Variants in RASSF4 observed in about 807,000 individuals in gnomAD.
RASSF4 encodes Ras association domain family member 4.
RASSF4 carries 38 observed loss-of-function variants against 41.1 expected under a neutral mutation model. The ratio of observed to expected loss-of-function variants is 0.92; its 90% CI spans 0.71 to 1.21. RASSF4 has a LOEUF of 1.21. Among genes scored for constraint, RASSF4 ranks in the 50% most tolerant of loss-of-function variants. The pLI, the probability that RASSF4 is intolerant of heterozygous loss-of-function variation, is 0.00. For missense variants in RASSF4, 414 were observed against 419.4 expected (o/e 0.99, Z 0.11); for synonymous variants, 179 against 163.4 (o/e 1.10, Z -0.73).
At chr10:44,990,803 T>C (rs1178366984) in intron 8 of RASSF4, 145 bp from the exon 9 acceptor site, 2 of 694,084 alleles carry the variant, frequency 2.9e-6, no homozygotes, top group Non-Finnish European at 2.3e-6. Context: ...TGAGCAGGAA[T>C]CTCTCAGGGC....
intron 9 of RASSF4, among the ~76,000 whole-genome samples, chr10:44,991,595 G>T (rs1842115395): frequency 6.6e-6 from 1 of 152,192 alleles, no homozygotes; most frequent in South Asian, 2.1e-4. Flanking sequence ...AGAAACAATG[G>T]TGCTCCCACC....
intron 2 of RASSF4, chr10:44,970,514 G>A (rs2132768838): frequency 1.8e-6 from 1 of 541,764 alleles, no homozygotes; most frequent in African/African-American, 1.9e-5. Flanking sequence ...TACGAAATAG[G>A]TGTGTACAGG....
At chr10:44,970,290 G>T (rs201503618) in intron 2 of RASSF4, 26 bp downstream of exon 2, 1 of 1,603,140 alleles carries the variant, frequency 6.2e-7, no homozygotes, top group Non-Finnish European at 8.5e-7. Context: ...CAGGTTGGGC[G>T]GGGGAGTCTT....
At chr10:44,973,576 C>T (rs1841270165) in intron 3 of RASSF4, among the ~76,000 whole-genome samples, 1 of 152,224 alleles carries the variant, frequency 6.6e-6, no homozygotes, top group Non-Finnish European at 1.5e-5. Flanking sequence ...CGCCCCTCTC[C>T]CAGCCTGCTG....
At chr10:44,970,582 G>A (rs1198148665) in intron 2 of RASSF4, 3 of 305,950 alleles carry the variant, frequency 9.8e-6, no homozygotes, top group African/African-American at 6.4e-5. Context: ...TAGATATATT[G>A]AGTTCAATAA....
chr10:44,969,654 G>T (rs551954801), intron 1 of RASSF4, among the ~76,000 whole-genome samples: 1 of 152,334 alleles, frequency 6.6e-6, no homozygotes, highest in African/African-American at 2.4e-5. Flanking sequence ...TCGTTGTAGG[G>T]ACTGGAGGAG....
At chr10:44,970,371 G>C (rs1394665818) in intron 2 of RASSF4, 107 bp downstream of exon 2, 1 of 896,966 alleles carries the variant, frequency 1.1e-6, no homozygotes, top group East Asian at 2.4e-5. Context: ...TCAGAGATCT[G>C]ATGGGGTGCC....
chr10:44,971,888 C>A, intron 3 of RASSF4, 40 bp downstream of exon 3: 1 of 1,420,882 alleles, frequency 7.0e-7, no homozygotes, highest in Non-Finnish European at 9.8e-7. Context: ...ACCATGTACC[C>A]TGGGAGGCCC....
chr10:44,991,921 A>G lies in RASSF4; in HGVS notation c.824A>G (p.Lys275Arg). The G allele has an allele frequency of 6.2e-7, 1 of 1,612,612 alleles. No individual in the cohort carries two copies. The highest frequency in any genetic ancestry group is 8.5e-7 in the Non-Finnish European group (1 of 1,178,646). ...ATTTTCTAGGTCGCTCAGTACATTA[A>G]GTTTGAAATGCCGGTGCTGGACAGT... ...EVPHEVAQYI[K>R]FEMPVLDSFV... is the part of the protein sequence containing the mutation. Residue 275 changes from lysine (K) to arginine (R), a missense_variant, in exon 10 of 11, where the codon AAG (lysine) becomes AGG (arginine). Lys to Arg is a conservative substitution (Grantham distance 26). Coordinates refer to ENST00000340258, the MANE Select transcript of RASSF4 (RefSeq NM_032023.4).
chr10:44,986,007 A>T (rs908543575), intron 6 of RASSF4, among the ~76,000 whole-genome samples: 1 of 151,690 alleles, frequency 6.6e-6, no homozygotes, highest in African/African-American at 2.4e-5. Context: ...GACACATGAC[A>T]TGACTTGAGT....
At chr10:44,986,756 A>C (rs1841934736) in intron 6 of RASSF4, among the ~76,000 whole-genome samples, 1 of 152,168 alleles carries the variant, frequency 6.6e-6, no homozygotes, top group Non-Finnish European at 1.5e-5. Context: ...AAAAATAAAT[A>C]ATTCCTAGCA....
At chr10:44,983,065 A>C in intron 4 of RASSF4, 1 of 439,714 alleles carries the variant, frequency 2.3e-6, no homozygotes, top group Non-Finnish European at 4.6e-6. Context: ...AATTTTAAAA[A>C]TAAATTTATC....
chr10:44,990,107 G>A (rs1842055641), intron 8 of RASSF4, among the ~76,000 whole-genome samples: 2 of 152,154 alleles, frequency 1.3e-5, no homozygotes, highest in Admixed American at 6.5e-5. Flanking sequence ...GCTCCTTGGC[G>A]CCGAGTCAGG....
intron 3 of RASSF4, among the ~76,000 whole-genome samples, chr10:44,973,200 G>T (rs1481170705): frequency 6.6e-6 from 1 of 152,182 alleles, no homozygotes; most frequent in Non-Finnish European, 1.5e-5. Flanking sequence ...TGTGACACCT[G>T]TCTCACCCTG....
chr10:44,975,348 G>C (rs1347645096), intron 3 of RASSF4, among the ~76,000 whole-genome samples: 1 of 151,934 alleles, frequency 6.6e-6, no homozygotes, highest in Non-Finnish European at 1.5e-5. Flanking sequence ...CTGTTTTCTG[G>C]GAGCCGCAAA....
chr10:44,967,572 C>A (rs779374525), intron 1 of RASSF4, among the ~76,000 whole-genome samples: 1 of 152,240 alleles, frequency 6.6e-6, no homozygotes, highest in Non-Finnish European at 1.5e-5. Flanking sequence ...TGTCCCTCAG[C>A]GGAGTCACCT....
At chr10:44,984,293 T>C (rs1364430409) in intron 5 of RASSF4, 180 bp downstream of exon 5, 1 of 618,568 alleles carries the variant, frequency 1.6e-6, no homozygotes. Context: ...TTCTCGCTCC[T>C]TTTTATGGAA....
At chr10:44,962,840 G>A (rs572560408) in intron 1 of RASSF4, among the ~76,000 whole-genome samples, 127 of 152,288 alleles carry the variant, frequency 8.3e-4, no homozygotes, top group African/African-American at 2.8e-3. Context: ...AGGAGGACTG[G>A]AAATGGTTTT....
chr10:44,977,223 G>A, intron 3 of RASSF4: 1 of 804,296 alleles, frequency 1.2e-6, no homozygotes, highest in Non-Finnish European at 1.9e-6. Flanking sequence ...GAAACAGGCT[G>A]TTATCATATT....
Sources: gnomAD v4.1 joint callset for allele counts (sites outside exome capture counted in the v4.1 genomes callset) on GRCh38, gnomAD v4.1.1 for gene constraint, MANE v1.5 for transcripts, NCBI Gene and HGNC (gene_info 2026-07-23, HGNC 2026-07-21) for gene names.